The following FSTL5 variants were observed in gnomAD, a reference collection of about 807,000 sequenced individuals.
FSTL5 encodes the protein follistatin-related protein 5.
FSTL5 carries 62 observed loss-of-function variants against 89.1 expected under a neutral mutation model. That is an observed-to-expected ratio of 0.70 (90% CI 0.57 to 0.86). The LOEUF (loss-of-function observed/expected upper bound fraction) is 0.86, where lower values mean the gene tolerates loss of function less well. FSTL5 is among the 40% of genes least tolerant of loss of function. The pLI is 0.00. For synonymous variants in FSTL5, 383 were observed against 346.2 expected (o/e 1.11, Z -1.18); for missense variants, 1,057 against 1,001.6 (o/e 1.06, Z -0.75).
At chr4:161,593,112 A>C (rs887587668) in intron 7 of FSTL5, among the ~76,000 whole-genome samples, 1 of 152,076 alleles carries the variant, frequency 6.6e-6, no homozygotes, top group African/African-American at 2.4e-5. Context: ...TGTGTTGCTC[A>C]GTTCTTAATT....
At position 161,542,545 on chromosome 4, in the gene FSTL5, T is replaced by A; in HGVS notation, c.1164A>T (p.Gln388His). The A allele has an allele frequency of 6.7e-7, 1 of 1,500,352 alleles. No homozygotes were observed. Among genetic ancestry groups the A allele is most frequent in the South Asian group, 1.4e-5 (1 of 71,262 alleles). The allele number at this position is 1,500,352 out of a possible 1,614,324, so 92.9% of individuals were successfully genotyped here. Residue 388 changes from glutamine (Q) to histidine (H), a missense_variant, in exon 9 of 16, where the codon CAA (glutamine) becomes CAT (histidine). Physicochemically the swap from Gln to His is conservative, Grantham distance 24. Coordinates refer to ENST00000306100, the MANE Select transcript of FSTL5 (RefSeq NM_020116.5). ...GIDITPKLSK[Q>H]LTLQANGSEV... Reference sequence around the variant, plus strand: ...AGTAAAAAGCACCTTGAAGCGTGAGTTGTTTGGAAAGCTTTGGTGTAATAT... The same window carrying A: ...AGTAAAAAGCACCTTGAAGCGTGAGATGTTTGGAAAGCTTTGGTGTAATAT...
At chr4:161,617,920 G>A (rs904712153) in intron 7 of FSTL5, among the ~76,000 whole-genome samples, 6 of 152,152 alleles carry the variant, frequency 3.9e-5, no homozygotes, top group Non-Finnish European at 5.9e-5. Flanking sequence ...GGGCAGTATG[G>A]TCATTTTCAC....
chr4:161,721,599 C>T (rs1032507588), intron 6 of FSTL5, among the ~76,000 whole-genome samples: 25 of 152,098 alleles, frequency 1.6e-4, no homozygotes, highest in African/African-American at 5.6e-4. Flanking sequence ...GGGGCCCAAA[C>T]CCCACAAGCC....
intron 8 of FSTL5, among the ~76,000 whole-genome samples, chr4:161,571,634 T>A (rs751878079): frequency 4.3e-4 from 66 of 152,064 alleles, no homozygotes; most frequent in Non-Finnish European, 1.2e-4. Flanking sequence ...AATAATACAT[T>A]ATCGACCTCT....
At chr4:161,497,190 A>T (rs1416005814) in intron 12 of FSTL5, among the ~76,000 whole-genome samples, 1 of 152,108 alleles carries the variant, frequency 6.6e-6, no homozygotes, top group African/African-American at 2.4e-5. Context: ...ACATGACAGT[A>T]TTTGTGTATA....
rs980710922 is a variant in FSTL5, at chr4:162,080,556, C to T, written c.126+30715G>A. ...TACTTGTAAAGTTTTATAAACTGTG[C>T]CATTTATACATATACCATAGATTGG... On this transcript the variant is annotated intron_variant, in intron 2 of 15. Coordinates refer to ENST00000306100, the MANE Select transcript of FSTL5 (RefSeq NM_020116.5). Among the ~76,000 whole-genome samples the T allele has an allele frequency of 5.3e-5, 8 of 151,548 alleles. No individual in the cohort carries two copies. The East Asian group carries it at 1.6e-3, about 29-fold the overall frequency.
rs139759309 is a variant in FSTL5, at chr4:161,842,904, C to A, written c.410-66830G>T. On this transcript the variant is annotated intron_variant, in intron 4 of 15. Coordinates refer to ENST00000306100, the MANE Select transcript of FSTL5 (RefSeq NM_020116.5). ...CTAAGGTAATAAATAATTTTTATTA[C>A]CTTAAGGAAATGAGAAAAATTAGAA... Among the ~76,000 whole-genome samples, 250 of 151,990 alleles carry A rather than the reference C, an allele frequency of 1.6e-3. 1 individual carries two copies. The highest frequency in any genetic ancestry group is 5.3e-3 in the African/African-American group (222 of 41,500).
At chr4:162,064,719 T>C (rs777434584) in intron 2 of FSTL5, among the ~76,000 whole-genome samples, 1 of 152,098 alleles carries the variant, frequency 6.6e-6, no homozygotes, top group South Asian at 2.1e-4. Flanking sequence ...ATACAAGCTG[T>C]GTCTATGGGT....
intron 7 of FSTL5, among the ~76,000 whole-genome samples, chr4:161,613,913 A>G (rs1024514357): frequency 1.1e-4 from 16 of 151,982 alleles, no homozygotes; most frequent in African/African-American, 2.4e-4. Context: ...TAGTTTAATT[A>G]TATACATCAC....
intron 12 of FSTL5, among the ~76,000 whole-genome samples, chr4:161,483,868 A>C (rs1271313705): frequency 6.6e-6 from 1 of 152,184 alleles, no homozygotes; most frequent in Non-Finnish European, 1.5e-5. Flanking sequence ...ATGTATACTA[A>C]CATTTAGAGT....
chr4:161,576,375 A>C (rs972537706), intron 8 of FSTL5, among the ~76,000 whole-genome samples: 4 of 152,200 alleles, frequency 2.6e-5, no homozygotes, highest in African/African-American at 9.6e-5. Context: ...AATATTAAGC[A>C]AAAAGAACAA....
intron 15 of FSTL5, among the ~76,000 whole-genome samples, chr4:161,433,798 C>T (rs1416031631): frequency 6.6e-6 from 1 of 151,798 alleles, no homozygotes; most frequent in Admixed American, 6.6e-5. Flanking sequence ...AGAAAATTAT[C>T]CCATATATAA....
intron 6 of FSTL5, among the ~76,000 whole-genome samples, chr4:161,733,474 C>T (rs1299043467): frequency 1.3e-5 from 2 of 151,918 alleles, no homozygotes. Context: ...GTATGCTTTT[C>T]ATGTCCCTTT....
chr4:162,050,510 A>G (rs115910442), intron 2 of FSTL5, among the ~76,000 whole-genome samples: 5,543 of 150,160 alleles, frequency 0.037, 164 homozygotes, highest in East Asian at 0.11. Context: ...ATTTAATAAT[A>G]ATTTAATTAA....
chr4:161,922,444 T>C (rs887890676), intron 3 of FSTL5, among the ~76,000 whole-genome samples: 4 of 151,958 alleles, frequency 2.6e-5, no homozygotes, highest in African/African-American at 9.7e-5. Context: ...AAAAAATCAA[T>C]TTTGGAAAAT....
At chr4:161,707,118 T>G (rs1264719969) in intron 6 of FSTL5, among the ~76,000 whole-genome samples, 2 of 152,042 alleles carry the variant, frequency 1.3e-5, no homozygotes, top group Admixed American at 6.6e-5. Context: ...TGTTTTTTTC[T>G]GTAAATTAAT....
chr4:162,004,177 T>C (rs989826394), intron 3 of FSTL5, among the ~76,000 whole-genome samples: 4 of 152,184 alleles, frequency 2.6e-5, no homozygotes, highest in Admixed American at 2.6e-4. Flanking sequence ...GCAGCACAAC[T>C]TCAAACACCC....
intron 12 of FSTL5, among the ~76,000 whole-genome samples, chr4:161,496,741 C>T (rs149449530): frequency 6.6e-6 from 1 of 150,424 alleles, no homozygotes. Flanking sequence ...TTGTGTGAGC[C>T]GATTCCTTAA....
Position 162,111,330 on chromosome 4 carries a change from T to G in FSTL5, c.67A>C (p.Thr23Pro). ...FIFLESEGRP[T>P]KEGGYGLKSY... ...TTAAGGCCATATCCTCCTTCTTTGG[T>G]TGGCCTTCCTTCCGACTCCAGAAAA... Residue 23 changes from threonine to proline, a missense_variant, in exon 2 of 16, where the codon ACC becomes CCC. Thr to Pro is a conservative substitution (Grantham distance 38). This residue lies in a region of FSTL5 where 980 missense variants were observed against 903.2 expected (regional missense o/e 1.08). Transcript: ENST00000306100. The G allele has an allele frequency of 6.2e-7, 1 of 1,612,012 alleles. No homozygotes were observed. Among genetic ancestry groups the G allele is most frequent in the Non-Finnish European group, 8.5e-7 (1 of 1,178,454 alleles).
Sources: gnomAD v4.1 joint callset for allele counts (sites outside exome capture counted in the v4.1 genomes callset) on GRCh38, gnomAD v4.1.1 for gene constraint, gnomAD v4.1.1 regional missense constraint, MANE v1.5 for transcripts, NCBI Gene and HGNC (gene_info 2026-07-23, HGNC 2026-07-21) for gene names.